Variants in PTPRT observed in about 807,000 individuals in gnomAD.
PTPRT encodes the protein receptor-type tyrosine-protein phosphatase T.
A neutral mutation model predicts 176.8 loss-of-function variants in PTPRT; 56 were observed. That is an observed-to-expected ratio of 0.32 (90% confidence interval 0.26 to 0.40). PTPRT has a LOEUF of 0.40. Ranked by LOEUF, PTPRT falls within the 10% of genes least tolerant of loss-of-function variation. The pLI is 1.00. For missense variants in PTPRT, 1,540 were observed against 1,908.2 expected, an observed-to-expected ratio of 0.81 and a Z score of 3.60; for synonymous variants, 783 against 739.0, an observed-to-expected ratio of 1.06 and a Z score of -0.96.
chr20:42,776,669 C>T (rs2077139769), intron 4 of PTPRT, among the ~76,000 whole-genome samples: 1 of 151,302 alleles, frequency 6.6e-6, no homozygotes, highest in South Asian at 2.1e-4. Context: ...CAAACTAACG[C>T]ACTGTCTGTG....
At chr20:42,835,725 A>G (rs183497410) in intron 2 of PTPRT, among the ~76,000 whole-genome samples, 1 of 152,262 alleles carries the variant, frequency 6.6e-6, no homozygotes, top group East Asian at 1.9e-4. Context: ...GTTTATAGAT[A>G]ATTTTCATTT....
At chr20:42,234,839 G>A (rs535112677) in intron 15 of PTPRT, among the ~76,000 whole-genome samples, 2 of 152,306 alleles carry the variant, frequency 1.3e-5, no homozygotes, top group African/African-American at 4.8e-5. Flanking sequence ...GGTAGTACCC[G>A]TCCTAAAGAC....
chr20:42,370,689 C>T (rs1325159727), intron 9 of PTPRT, among the ~76,000 whole-genome samples: 1 of 152,136 alleles, frequency 6.6e-6, no homozygotes, highest in Non-Finnish European at 1.5e-5. Context: ...TATAACAGTG[C>T]CTGGACATAA....
chr20:42,269,297 G>GAAAC, intron 13 of PTPRT, among the ~76,000 whole-genome samples: 1 of 152,316 alleles, frequency 6.6e-6, no homozygotes, highest in Admixed American at 6.5e-5. Flanking sequence ...AGGGTGGCAG[G>GAAAC]AGTGAACTGT....
intron 6 of PTPRT, among the ~76,000 whole-genome samples, chr20:42,739,013 A>G (rs548031297): frequency 6.6e-6 from 1 of 152,324 alleles, no homozygotes; most frequent in African/African-American, 2.4e-5. Context: ...AGCTGCAGTG[A>G]GCCATGATTG....
At chr20:42,596,445 C>G (rs1484966562) in intron 7 of PTPRT, among the ~76,000 whole-genome samples, 1 of 152,188 alleles carries the variant, frequency 6.6e-6, no homozygotes, top group Non-Finnish European at 1.5e-5. Context: ...ATACGGAATA[C>G]CACGGCGGTC....
At chr20:42,069,569 C>G (rs73269485), downstream of PTPRT, among the ~76,000 whole-genome samples, 1,551 of 152,026 alleles carry the variant, frequency 0.01, 22 homozygotes, top group African/African-American at 0.036. Context: ...ATATAATTGG[C>G]CTTTCCGGGT....
At chr20:43,187,689 C>T (rs1443817234) in intron 1 of PTPRT, among the ~76,000 whole-genome samples, 1 of 152,088 alleles carries the variant, frequency 6.6e-6, no homozygotes, top group Non-Finnish European at 1.5e-5. Context: ...AACCACCCTG[C>T]CCAGGTAGAC....
intron 9 of PTPRT, among the ~76,000 whole-genome samples, chr20:42,437,743 A>G (rs2059275265): frequency 6.6e-6 from 1 of 152,230 alleles, no homozygotes; most frequent in Non-Finnish European, 1.5e-5. Context: ...TCCCGAGCTA[A>G]TGAAAAGACA....
At chr20:42,193,871 A>G (rs565167801) in intron 16 of PTPRT, among the ~76,000 whole-genome samples, 1 of 152,226 alleles carries the variant, frequency 6.6e-6, no homozygotes, top group Non-Finnish European at 1.5e-5. Flanking sequence ...TTTTCTCACT[A>G]TTTTTTAAAT....
At chr20:42,068,609 G>A (rs1568892396), downstream of PTPRT, among the ~76,000 whole-genome samples, 1 of 152,186 alleles carries the variant, frequency 6.6e-6, no homozygotes, top group Non-Finnish European at 1.5e-5. Context: ...CAGGCACCTG[G>A]GCGGGATGAG....
chr20:42,792,391 G>C (rs1311629238), intron 2 of PTPRT, among the ~76,000 whole-genome samples: 10 of 152,100 alleles, frequency 6.6e-5, no homozygotes, highest in Admixed American at 5.9e-4. Flanking sequence ...AACCATGAGG[G>C]GGTAAATTTC....
intron 13 of PTPRT, among the ~76,000 whole-genome samples, chr20:42,259,228 T>C (rs1419539642): frequency 2.6e-5 from 4 of 152,028 alleles, no homozygotes; most frequent in Admixed American, 6.5e-5. Flanking sequence ...AGTTCAGTCA[T>C]GTTACACACA....
intron 1 of PTPRT, among the ~76,000 whole-genome samples, chr20:42,966,771 T>C (rs1270868030): frequency 6.6e-6 from 1 of 152,170 alleles, no homozygotes; most frequent in Non-Finnish European, 1.5e-5. Flanking sequence ...GTTCATTCCA[T>C]TGTACGTGAT....
intron 1 of PTPRT, among the ~76,000 whole-genome samples, chr20:42,900,923 A>C (rs935140079): frequency 7.9e-5 from 12 of 152,214 alleles, no homozygotes; most frequent in Admixed American, 2.6e-4. Flanking sequence ...TGGCCTCTGG[A>C]ATGTGTCTAG....
chr20:42,326,963 A>C lies in PTPRT; in HGVS notation c.1866-10967T>G, dbSNP rs181364602. ...TATGGTTAAGAACTTAAAAAAAAAA[A>C]AACAACAAAGGAATGAGGCTGAAAA... On this transcript the variant is annotated intron_variant, in intron 11 of 30. Transcript: ENST00000373187. Among the ~76,000 whole-genome samples the C allele has an allele frequency of 1.1e-3, 163 of 151,110 alleles. 1 individual carries two copies. Among genetic ancestry groups the C allele is most frequent in the East Asian group, 2.9e-3 (15 of 5,108 alleles).
chr20:42,285,740 C>T (rs955527842), intron 12 of PTPRT, among the ~76,000 whole-genome samples: 4 of 151,632 alleles, frequency 2.6e-5, no homozygotes, highest in Non-Finnish European at 5.9e-5. Flanking sequence ...AAAAAAAAGT[C>T]AAACTGTCTC....
Position 43,090,530 on chromosome 20 carries a change from A to G in PTPRT, c.88+99116T>C, listed in dbSNP as rs540953304. 1.9e-4 allele frequency among the ~76,000 whole-genome samples: 29 copies of G among 152,294 alleles called. No individual in the cohort carries two copies. The East Asian group carries it at 5.6e-3, about 29-fold the overall frequency. ...TGATCCACCCGCCTTGGCCTCCCAA[A>G]GTGCCGGGATTCCAGTCGTGAGCCA... On this transcript the variant is annotated intron_variant, in intron 1 of 30. Transcript: ENST00000373187.
intron 1 of PTPRT, among the ~76,000 whole-genome samples, chr20:42,901,965 G>A (rs1426218347): frequency 6.6e-6 from 1 of 152,168 alleles, no homozygotes; most frequent in East Asian, 1.9e-4. Flanking sequence ...TAGCTGTGAT[G>A]GAGACCACAT....
Sources: allele counts gnomAD v4.1 joint callset (sites outside exome capture counted in the v4.1 genomes callset), GRCh38; gene constraint gnomAD v4.1.1; transcripts MANE v1.5; gene names NCBI Gene and HGNC (gene_info 2026-07-23, HGNC 2026-07-21).